The following NKAIN2 variants were observed in gnomAD, a reference collection of about 807,000 sequenced individuals.
NKAIN2 encodes the protein sodium/potassium-transporting ATPase subunit beta-1-interacting protein 2.
NKAIN2 carries 14 observed loss-of-function variants against 32.6 expected under a neutral mutation model. The ratio of observed to expected loss-of-function variants is 0.43; its 90% CI spans 0.28 to 0.67. NKAIN2 has a LOEUF of 0.67. NKAIN2 is among the 30% of genes least tolerant of loss of function. NKAIN2 has a pLI of 0.17. For missense variants in NKAIN2, 198 were observed against 258.3 expected (o/e 0.77, Z 1.60); for synonymous variants, 80 against 87.2 (o/e 0.92, Z 0.46).
intron 1 of NKAIN2, among the ~76,000 whole-genome samples, chr6:124,004,672 G>A (rs1351182117): frequency 6.6e-6 from 1 of 151,820 alleles, no homozygotes. Context: ...GAGAACACTT[G>A]GACACAGGGT....
intron 3 of NKAIN2, among the ~76,000 whole-genome samples, chr6:124,362,532 T>G (rs1289007514): frequency 6.6e-6 from 1 of 152,188 alleles, no homozygotes; most frequent in Non-Finnish European, 1.5e-5. Flanking sequence ...CCTTTCTTAT[T>G]CTCTGTCTCC....
chr6:124,379,699 A>G (rs1772539804), intron 3 of NKAIN2, among the ~76,000 whole-genome samples: 1 of 152,134 alleles, frequency 6.6e-6, no homozygotes, highest in African/African-American at 2.4e-5. Flanking sequence ...AGAAGGAAGT[A>G]TGTGTGATAT....
chr6:124,426,509 TA>T (rs1345384957), intron 3 of NKAIN2, among the ~76,000 whole-genome samples: 1 of 152,100 alleles, frequency 6.6e-6, no homozygotes, highest in Non-Finnish European at 1.5e-5. Flanking sequence ...AAAACAGAGA[TA>T]AATGATTTAA....
chr6:124,789,152 T>A (rs1025500094), intron 4 of NKAIN2, among the ~76,000 whole-genome samples: 9 of 152,074 alleles, frequency 5.9e-5, no homozygotes, highest in African/African-American at 2.2e-4. Flanking sequence ...GTACACTTAA[T>A]AATCAAGACT....
At chr6:123,994,316 A>G (rs1192503693) in intron 1 of NKAIN2, among the ~76,000 whole-genome samples, 1 of 151,906 alleles carries the variant, frequency 6.6e-6, no homozygotes, top group Admixed American at 6.6e-5. Flanking sequence ...TTATAAATCA[A>G]TTTATTTTTG....
chr6:124,729,615 A>T (rs1776546607), intron 4 of NKAIN2, among the ~76,000 whole-genome samples: 1 of 151,770 alleles, frequency 6.6e-6, no homozygotes, highest in Admixed American at 6.6e-5. Flanking sequence ...CTGAATGGGC[A>T]GAAACTGGAA....
chr6:124,407,914 T>A (rs1296291156), intron 3 of NKAIN2, among the ~76,000 whole-genome samples: 3 of 149,796 alleles, frequency 2.0e-5, no homozygotes, highest in African/African-American at 7.3e-5. Context: ...GGTATCTCAT[T>A]GTGGTTTTGA....
Position 123,804,007 on chromosome 6 carries a change from T to TGCCGCCGCCGCCGCC in NKAIN2, c.-188_-174dup. On this transcript the variant is annotated 5_prime_UTR_variant, in exon 1 of 7. Coordinates refer to ENST00000368417, the MANE Select transcript of NKAIN2 (RefSeq NM_001040214.3). The stretch of plus-strand genomic sequence containing the variant: ...TATGTGTGGCGGGCGCGGCTGGAGC[T>TGCCGCCGCCGCCGCC]GCCGCCGCCGCCGCCGCCGCGCCAG... 1.7e-6 allele frequency: 1 copy of TGCCGCCGCCGCCGCC among 599,172 alleles called. No homozygotes were observed. The highest frequency in any genetic ancestry group is 3.0e-6 in the Non-Finnish European group (1 of 336,366). The allele number at this position is 599,172 out of a possible 1,614,324, so 37.1% of individuals were successfully genotyped here. A position where few individuals can be genotyped will look rare whatever the true frequency, so the allele number is the denominator to read the frequency against.
At chr6:124,208,275 T>C (rs559789162) in intron 1 of NKAIN2, among the ~76,000 whole-genome samples, 2 of 152,072 alleles carry the variant, frequency 1.3e-5, no homozygotes, top group East Asian at 3.9e-4. Context: ...GTCCAAGATT[T>C]AGTATAGCCC....
At chr6:124,373,614 TGAA>T (rs967667812) in intron 3 of NKAIN2, among the ~76,000 whole-genome samples, 1 of 152,058 alleles carries the variant, frequency 6.6e-6, no homozygotes, top group Admixed American at 6.6e-5. Context: ...TTCTCATGTC[TGAA>T]GAAGAGGATC....
At chr6:124,443,253 C>T (rs1405888563) in intron 3 of NKAIN2, among the ~76,000 whole-genome samples, 1 of 152,052 alleles carries the variant, frequency 6.6e-6, no homozygotes. Context: ...TACTTTTGCT[C>T]TTCTGTTTCA....
At chr6:123,933,614 G>A (rs994749018) in intron 1 of NKAIN2, among the ~76,000 whole-genome samples, 5 of 152,302 alleles carry the variant, frequency 3.3e-5, no homozygotes, top group East Asian at 1.9e-4. Flanking sequence ...GAAAAGTAGC[G>A]TGAGCAAGAA....
chr6:124,037,732 G>A (rs971823614), intron 1 of NKAIN2, among the ~76,000 whole-genome samples: 4 of 152,014 alleles, frequency 2.6e-5, no homozygotes, highest in Non-Finnish European at 5.9e-5. Flanking sequence ...AAGGCCAGTC[G>A]CTAATATTTA....
intron 1 of NKAIN2, among the ~76,000 whole-genome samples, chr6:124,199,121 T>C (rs1236851354): frequency 6.6e-6 from 1 of 152,218 alleles, no homozygotes; most frequent in Admixed American, 6.5e-5. Flanking sequence ...TTGCGGTATC[T>C]CCTTTGAAAA....
At chr6:124,479,565 C>A (rs1185398583) in intron 3 of NKAIN2, among the ~76,000 whole-genome samples, 1 of 152,014 alleles carries the variant, frequency 6.6e-6, no homozygotes, top group Non-Finnish European at 1.5e-5. Flanking sequence ...GAGGCATGGG[C>A]AAATGTAAGA....
At chr6:124,340,949 T>C (rs1168574827) in intron 2 of NKAIN2, among the ~76,000 whole-genome samples, 3 of 152,142 alleles carry the variant, frequency 2.0e-5, no homozygotes, top group Non-Finnish European at 4.4e-5. Flanking sequence ...AAGGGAATTA[T>C]TTTTCACTTT....
intron 3 of NKAIN2, among the ~76,000 whole-genome samples, chr6:124,601,106 A>C (rs756575600): frequency 2.6e-5 from 4 of 152,066 alleles, no homozygotes; most frequent in Non-Finnish European, 5.9e-5. Context: ...AAGAGAAGAA[A>C]TTTAAGTTGC....
At chr6:124,614,273 A>G (rs1782799947) in intron 3 of NKAIN2, among the ~76,000 whole-genome samples, 1 of 152,114 alleles carries the variant, frequency 6.6e-6, no homozygotes, top group South Asian at 2.1e-4. Flanking sequence ...ACGTGCCTGT[A>G]ATCCTAGCTA....
At chr6:123,865,534 C>T (rs575337334) in intron 1 of NKAIN2, among the ~76,000 whole-genome samples, 1 of 151,954 alleles carries the variant, frequency 6.6e-6, no homozygotes, top group African/African-American at 2.4e-5. Flanking sequence ...AATTAAATAT[C>T]GTTATATTTC....
Sources: gnomAD v4.1 joint callset for allele counts (sites outside exome capture counted in the v4.1 genomes callset) on GRCh38, gnomAD v4.1.1 for gene constraint, MANE v1.5 for transcripts, NCBI Gene and HGNC (gene_info 2026-07-23, HGNC 2026-07-21) for gene names.